Variants in CHST11 observed in about 807,000 individuals in gnomAD.
CHST11 encodes carbohydrate sulfotransferase 11, also known as C4S-1.
In CHST11, 9 loss-of-function variants were observed where a neutral mutation model predicts 30.4. That is an observed-to-expected ratio of 0.30 (90% CI 0.18 to 0.52). CHST11 has a LOEUF of 0.52. CHST11 is among the 20% of genes least tolerant of loss of function. The probability of loss-of-function intolerance (pLI) is 0.97; values close to 1 mark genes in which losing one functional copy is unlikely to be tolerated. For missense variants in CHST11, 348 were observed against 460.6 expected (o/e 0.76, Z 2.24); for synonymous variants, 152 against 187.8 (o/e 0.81, Z 1.56).
chr12:104,545,918 C>T (rs148121731), intron 1 of CHST11, among the ~76,000 whole-genome samples: 1,785 of 152,180 alleles, frequency 0.012, 38 homozygotes, highest in African/African-American at 0.04. Flanking sequence ...CTCCACCTTC[C>T]GGGCTCAGGT....
intron 1 of CHST11, among the ~76,000 whole-genome samples, chr12:104,583,733 G>C (rs1300880139): frequency 1.6e-3 from 1 of 636 alleles, no homozygotes; most frequent in Admixed American, 0.022. Flanking sequence ...TTTTTTTGAG[G>C]ATGGAGTCTC....
chr12:104,665,809 T>C (rs2039636561), intron 2 of CHST11, among the ~76,000 whole-genome samples: 1 of 130,790 alleles, frequency 7.6e-6, no homozygotes, highest in Admixed American at 8.1e-5. Flanking sequence ...TCTCTCTCTG[T>C]CTCTTTTTTT....
At chr12:104,660,536 G>T (rs1174763472) in intron 2 of CHST11, among the ~76,000 whole-genome samples, 1 of 152,194 alleles carries the variant, frequency 6.6e-6, no homozygotes, top group Non-Finnish European at 1.5e-5. Flanking sequence ...GCCAGAGGAG[G>T]CCCGTGAAAG....
At chr12:104,736,471 C>A (rs2040302085) in intron 2 of CHST11, among the ~76,000 whole-genome samples, 1 of 152,172 alleles carries the variant, frequency 6.6e-6, no homozygotes. Context: ...CAGCAGAGTC[C>A]CATGTATTTC....
At chr12:104,678,542 CA>C (rs1258055877) in intron 2 of CHST11, among the ~76,000 whole-genome samples, 1 of 152,224 alleles carries the variant, frequency 6.6e-6, no homozygotes, top group Non-Finnish European at 1.5e-5. Flanking sequence ...GAAATGGAGG[CA>C]TAGTTTAATA....
intron 1 of CHST11, among the ~76,000 whole-genome samples, chr12:104,503,110 A>T (rs2037868147): frequency 6.6e-6 from 1 of 152,228 alleles, no homozygotes; most frequent in Admixed American, 6.5e-5. Context: ...ATTACAAGAG[A>T]GAAGGAGCTG....
At chr12:104,707,292 G>A (rs564492967) in intron 2 of CHST11, among the ~76,000 whole-genome samples, 5 of 152,320 alleles carry the variant, frequency 3.3e-5, no homozygotes, top group Admixed American at 2.6e-4. Flanking sequence ...TACAGAGTCG[G>A]GGCAGGGGTC....
At chr12:104,464,313 C>T (rs2037437988) in intron 1 of CHST11, among the ~76,000 whole-genome samples, 2 of 151,918 alleles carry the variant, frequency 1.3e-5, no homozygotes, top group Admixed American at 1.3e-4. Flanking sequence ...AGTGATCCAC[C>T]CTCCTCGGCC....
chr12:104,610,754 C>T (rs1214852436), intron 2 of CHST11, among the ~76,000 whole-genome samples: 1 of 152,160 alleles, frequency 6.6e-6, no homozygotes, highest in Non-Finnish European at 1.5e-5. Context: ...CTTCCTTTCC[C>T]AGTGGAGTCT....
intron 2 of CHST11, among the ~76,000 whole-genome samples, chr12:104,694,172 G>T (rs535947531): frequency 2.3e-3 from 343 of 152,200 alleles, no homozygotes; most frequent in African/African-American, 7.7e-3. Context: ...CATGGGGCAG[G>T]GGGTAGCTTG....
chr12:104,602,973 T>C (rs936274379), intron 2 of CHST11, among the ~76,000 whole-genome samples: 2 of 152,006 alleles, frequency 1.3e-5, no homozygotes, highest in Admixed American at 6.6e-5. Flanking sequence ...TCTGGAAAAA[T>C]GGACTCCTGA....
At chr12:104,614,813 A>G (rs1032677787) in intron 2 of CHST11, among the ~76,000 whole-genome samples, 12 of 151,978 alleles carry the variant, frequency 7.9e-5, no homozygotes, top group South Asian at 2.1e-4. Context: ...AATCTGGCCA[A>G]GGTGAGAGGG....
chr12:104,527,268 A>C (rs77281062), intron 1 of CHST11, among the ~76,000 whole-genome samples: 5,968 of 152,276 alleles, frequency 0.039, 409 homozygotes, highest in African/African-American at 0.14. Flanking sequence ...TGAGAAAATA[A>C]CTTTGTTGTT....
intron 2 of CHST11, among the ~76,000 whole-genome samples, chr12:104,698,155 AC>A: frequency 6.6e-6 from 1 of 151,802 alleles, no homozygotes. Flanking sequence ...TGTTCAGTGC[AC>A]CCCTGTAACT....
intron 2 of CHST11, among the ~76,000 whole-genome samples, chr12:104,698,378 A>G (rs2039965037): frequency 6.6e-6 from 1 of 152,034 alleles, no homozygotes; most frequent in African/African-American, 2.4e-5. Context: ...CTTTCCTGTC[A>G]CCTAGAAGTC....
intron 2 of CHST11, among the ~76,000 whole-genome samples, chr12:104,663,671 A>T (rs1303444335): frequency 6.6e-6 from 1 of 152,168 alleles, no homozygotes; most frequent in Non-Finnish European, 1.5e-5. Context: ...AAATCTTACT[A>T]GGAATGGTTT....
At chr12:104,470,862 G>A (rs1314570679) in intron 1 of CHST11, among the ~76,000 whole-genome samples, 1 of 152,190 alleles carries the variant, frequency 6.6e-6, no homozygotes, top group Non-Finnish European at 1.5e-5. Flanking sequence ...CCATCTCCAT[G>A]TTCTTGGTTT....
In CHST11 at chr12:104,644,067, G is replaced by A. The variant is rs533678615; in HGVS notation, c.204+42076G>A. Among the ~76,000 whole-genome samples the A allele has an allele frequency of 7.9e-5, 12 of 152,248 alleles. No individual in the cohort carries two copies. In the South Asian group the frequency reaches 1.0e-3, roughly 13 times the overall value. On this transcript the variant is annotated intron_variant, in intron 2 of 2. Coordinates refer to ENST00000303694, the MANE Select transcript of CHST11 (RefSeq NM_018413.6). ...GGACGGTTTCTGCAAGGAGCTGTCC[G>A]GCCAGTTGTGGATTGGCTCACGGGA... is the stretch of plus-strand genomic sequence containing the variant.
intron 2 of CHST11, among the ~76,000 whole-genome samples, chr12:104,649,595 A>G (rs893756254): frequency 1.3e-5 from 2 of 152,204 alleles, no homozygotes; most frequent in Non-Finnish European, 2.9e-5. Flanking sequence ...TAGGCGAACC[A>G]ATGTGGTTTC....
Sources: allele counts gnomAD v4.1 joint callset (sites outside exome capture counted in the v4.1 genomes callset), GRCh38; gene constraint gnomAD v4.1.1; transcripts MANE v1.5; gene names NCBI Gene and HGNC (gene_info 2026-07-23, HGNC 2026-07-21).